CHODL: variants seen among roughly 807,000 people sequenced by gnomAD.
CHODL encodes transmembrane protein MT75.
CHODL carries 29 observed loss-of-function variants against 34.5 expected under a neutral mutation model. The observed-to-expected ratio is 0.84, with a 90% confidence interval of 0.63 to 1.15. The LOEUF is 1.15. Ranked by LOEUF, CHODL falls within the 50% of genes most tolerant of loss-of-function variation. The pLI is 0.00. For missense variants in CHODL, 332 were observed against 332.5 expected (o/e 1.00, Z 0.01); for synonymous variants, 125 against 116.1 (o/e 1.08, Z -0.49).
Position 18,108,837 on chromosome 21 carries a change from TTGTGTGTG to T in CHODL, c.-45+80894_-45+80901del, listed in dbSNP as rs68066729. Among the ~76,000 whole-genome samples the T allele has an allele frequency of 3.8e-3, 549 of 146,248 alleles. 18 individuals carry two copies. In the East Asian group the frequency reaches 0.055, roughly 15 times the overall value. On this transcript the variant is annotated intron_variant, in intron 2 of 6. Coordinates refer to the CHODL transcript ENST00000400127. The stretch of plus-strand genomic sequence containing the variant: ...TTCTCAGATTCTCTTCTTTGCAATG[TTGTGTGTG>T]TGTGTGTGTGTGTGTGTGTGTGTGT...
chr21:18,171,806 T>A (rs941158308), intron 2 of CHODL, among the ~76,000 whole-genome samples: 6 of 149,222 alleles, frequency 4.0e-5, no homozygotes, highest in African/African-American at 1.5e-4. Context: ...CTTTGTCATA[T>A]GTGTCCACTA....
intron 1 of CHODL, among the ~76,000 whole-genome samples, chr21:18,001,025 G>T (rs1470462): frequency 5.3e-5 from 8 of 152,038 alleles, no homozygotes; most frequent in Non-Finnish European, 8.8e-5. Flanking sequence ...TCATAATCAT[G>T]ATCATCTAGT....
chr21:17,938,801 A>C (rs2063340586), intron 1 of CHODL, among the ~76,000 whole-genome samples: 1 of 151,992 alleles, frequency 6.6e-6, no homozygotes, highest in Non-Finnish European at 1.5e-5. Context: ...TTTGCTTTCT[A>C]AAGGTCCAAG....
At chr21:18,036,140 C>G (rs2064306789) in intron 2 of CHODL, among the ~76,000 whole-genome samples, 1 of 151,942 alleles carries the variant, frequency 6.6e-6, no homozygotes, top group South Asian at 2.1e-4. Context: ...ATCATAGAAG[C>G]CTGTAGTCTA....
intron 2 of CHODL, among the ~76,000 whole-genome samples, chr21:18,145,433 T>A (rs8132334): frequency 7.8e-6 from 1 of 127,832 alleles, no homozygotes. Context: ...GAGACTACCT[T>A]TCAAAAAAAA....
chr21:18,245,891 G>C (rs911582283), intron 1 of CHODL: 69 of 1,535,282 alleles, frequency 4.5e-5, no homozygotes, highest in Non-Finnish European at 5.7e-5. Context: ...TGCGTTCCAA[G>C]TTGGGGACTT....
chr21:18,173,554 C>T (rs1192384847), intron 2 of CHODL, among the ~76,000 whole-genome samples: 2 of 152,094 alleles, frequency 1.3e-5, no homozygotes, highest in Admixed American at 6.5e-5. Context: ...CTCAGTGTGA[C>T]AAGAGCAAGT....
At chr21:18,014,017 G>T (rs1421426582) in intron 1 of CHODL, among the ~76,000 whole-genome samples, 4 of 152,134 alleles carry the variant, frequency 2.6e-5, no homozygotes, top group Non-Finnish European at 4.4e-5. Flanking sequence ...GGATGGATAT[G>T]AAGGGATTTG....
intron 2 of CHODL, among the ~76,000 whole-genome samples, chr21:18,191,900 T>C (rs944175861): frequency 6.6e-6 from 1 of 152,294 alleles, no homozygotes; most frequent in East Asian, 1.9e-4. Context: ...ACTCTCCCTA[T>C]AGTTAACAGT....
rs1271329602 is a variant in CHODL, at chr21:18,266,663, AAGAAGCTATTTCATT to A, written c.*627_*641del. The A allele has an allele frequency of 1.3e-5, 2 of 153,456 alleles. No individual in the cohort carries two copies. Among genetic ancestry groups the A allele is most frequent in the East Asian group, 3.8e-4 (2 of 5,206 alleles). 9.5% of individuals were successfully genotyped at this position (153,456 alleles called of 1,614,324 possible). ...ATGTCTAGGAAATCTCTTCAGAAAT[AAGAAGCTATTTCATT>A]AAGTGTGATATAAACCTCCTCAAAC... On this transcript the variant is annotated 3_prime_UTR_variant, in exon 6 of 6. Coordinates refer to ENST00000299295, the MANE Select transcript of CHODL (RefSeq NM_024944.3).
intron 2 of CHODL, among the ~76,000 whole-genome samples, chr21:18,196,721 T>A (rs1043327560): frequency 3.9e-5 from 6 of 152,168 alleles, no homozygotes; most frequent in African/African-American, 1.4e-4. Context: ...AAAAATAGGA[T>A]TTTATGGTTA....
chr21:18,230,618 T>C (rs1185686189), intron 2 of CHODL, among the ~76,000 whole-genome samples: 1 of 152,078 alleles, frequency 6.6e-6, no homozygotes, highest in Non-Finnish European at 1.5e-5. Flanking sequence ...GAAATACGAA[T>C]GCAAAGAAGA....
Position 18,171,198 on chromosome 21 carries a change from G to GTTCTTTTTTTTTTTTTTTTTTTTTTTTT in CHODL, c.-44-85309_-44-85308insCTTTTTTTTTTTTTTTTTTTTTTTTTTT, listed in dbSNP as rs1333481522. 4.0e-4 allele frequency among the ~76,000 whole-genome samples: 15 copies of GTTCTTTTTTTTTTTTTTTTTTTTTTTTT among 37,066 alleles called. 7 individuals carry two copies. The highest frequency in any genetic ancestry group is 3.9e-3 in the East Asian group (2 of 510). The allele number at this position is 37,066 out of a possible 152,430, so 24.3% of individuals were successfully genotyped here. A position where few individuals can be genotyped will look rare whatever the true frequency, so the allele number is the denominator to read the frequency against. ...TGTTCTTCAGACATGGTTTTCTTTA[G>GTTCTTTTTTTTTTTTTTTTTTTTTTTTT]TTTTTTTTTTTTTTTTTTTGAGACG... On this transcript the variant is annotated intron_variant, in intron 2 of 6. Transcript: ENST00000400127.
chr21:18,213,179 T>A (rs1218482090), intron 2 of CHODL, among the ~76,000 whole-genome samples: 1 of 152,162 alleles, frequency 6.6e-6, no homozygotes, highest in South Asian at 2.1e-4. Context: ...GACACTCTTA[T>A]AATTTAGTCA....
chr21:17,973,486 G>A (rs1464126668), intron 1 of CHODL, among the ~76,000 whole-genome samples: 15 of 143,352 alleles, frequency 1.0e-4, no homozygotes, highest in Admixed American at 3.0e-4. Flanking sequence ...GCTCAATCTC[G>A]GCTCACTGCG....
At chr21:18,171,515 T>C (rs1365558020) in intron 2 of CHODL, among the ~76,000 whole-genome samples, 1 of 152,032 alleles carries the variant, frequency 6.6e-6, no homozygotes, top group Non-Finnish European at 1.5e-5. Flanking sequence ...CCTTCTTTAG[T>C]TCTTTCAACA....
At chr21:18,125,376 C>G (rs1334842923) in intron 2 of CHODL, among the ~76,000 whole-genome samples, 3 of 152,134 alleles carry the variant, frequency 2.0e-5, no homozygotes, top group Admixed American at 2.0e-4. Flanking sequence ...GTCCTACCTT[C>G]ATTCACATCT....
At chr21:17,997,794 T>C (rs1600873343) in intron 1 of CHODL, among the ~76,000 whole-genome samples, 1 of 151,786 alleles carries the variant, frequency 6.6e-6, no homozygotes. Context: ...TTCAATTATC[T>C]CCCCCACCCC....
Position 18,245,155 on chromosome 21 carries a change from T to C in CHODL, c.-69T>C. The C allele has an allele frequency of 7.6e-7, 1 of 1,323,592 alleles. No individual in the cohort carries two copies. Among genetic ancestry groups the C allele is most frequent in the Non-Finnish European group, 1.0e-6 (1 of 990,558 alleles). The allele number at this position is 1,323,592 out of a possible 1,614,324, so 82.0% of individuals were successfully genotyped here. A position where few individuals can be genotyped will look rare whatever the true frequency, so the allele number is the denominator to read the frequency against. On this transcript the variant is annotated 5_prime_UTR_variant, in exon 1 of 6. Coordinates refer to ENST00000299295, the MANE Select transcript of CHODL (RefSeq NM_024944.3). ...AGGCAGGGAGGCTGCAGAGTCAGAG[T>C]CGCGGGCTGCGCCCTGGGCAGAGGC...
Sources: allele counts gnomAD v4.1 joint callset (sites outside exome capture counted in the v4.1 genomes callset), GRCh38; gene constraint gnomAD v4.1.1; transcripts MANE v1.5; gene names NCBI Gene and HGNC (gene_info 2026-07-23, HGNC 2026-07-21).